The following HIPK2 variants were observed in gnomAD, a reference collection of about 807,000 sequenced individuals.
HIPK2 encodes homeodomain-interacting protein kinase 2.
In HIPK2, 27 loss-of-function variants were observed where a neutral mutation model predicts 113.7. That is an observed-to-expected ratio of 0.24 (90% CI 0.17 to 0.33). The LOEUF (loss-of-function observed/expected upper bound fraction) is 0.33, where lower values mean the gene tolerates loss of function less well. HIPK2 is among the 10% of genes least tolerant of loss of function. The probability of loss-of-function intolerance (pLI) is 1.00; values close to 1 mark genes in which losing one functional copy is unlikely to be tolerated. For synonymous variants in HIPK2, 631 were observed against 642.2 expected, an observed-to-expected ratio of 0.98 and a Z score of 0.26; for missense variants, 1,257 against 1,588.0, an observed-to-expected ratio of 0.79 and a Z score of 3.54.
At position 139,563,644 on chromosome 7, in the gene HIPK2, C is replaced by T. The variant is rs1471269717; in HGVS notation, c.*9283G>A. 1 of 395,650 alleles carries T rather than the reference C, an allele frequency of 2.5e-6. No homozygotes were observed. The highest frequency in any genetic ancestry group is 3.6e-5 in the East Asian group (1 of 27,962). The allele number at this position is 395,650 out of a possible 1,614,324, so 24.5% of individuals were successfully genotyped here. On this transcript the variant is annotated 3_prime_UTR_variant, in exon 15 of 15. Coordinates refer to ENST00000406875, the MANE Select transcript of HIPK2 (RefSeq NM_022740.5). ...ATTCATGTAAAGGAAAAAACAGCAACACCACCACACAAACAGGAAAGTGGG... is the reference window on the plus strand; with the variant it reads ...ATTCATGTAAAGGAAAAAACAGCAATACCACCACACAAACAGGAAAGTGGG...
intron 1 of HIPK2, among the ~76,000 whole-genome samples, chr7:139,763,556 C>T (rs911884763): frequency 2.1e-5 from 3 of 143,640 alleles, no homozygotes; most frequent in Non-Finnish European, 3.0e-5. Flanking sequence ...TCAGTAACGG[C>T]GGCAGAGACC....
intron 12 of HIPK2, among the ~76,000 whole-genome samples, chr7:139,595,691 C>T (rs1055152735): frequency 1.3e-5 from 2 of 152,090 alleles, no homozygotes; most frequent in East Asian, 1.9e-4. Context: ...GGGAAGGGAA[C>T]GTCCTATGCA....
intron 2 of HIPK2, among the ~76,000 whole-genome samples, chr7:139,634,093 G>A (rs1800719041): frequency 6.6e-6 from 1 of 150,880 alleles, no homozygotes; most frequent in Non-Finnish European, 1.5e-5. Flanking sequence ...CCTGGTAACA[G>A]AGCAAGACCC....
rs145909711 is a variant in HIPK2, at chr7:139,651,851, T to C, written c.1104-20126A>G. Among the ~76,000 whole-genome samples the C allele has an allele frequency of 2.3e-3, 346 of 152,332 alleles. 2 individuals carry two copies. The highest frequency in any genetic ancestry group is 7.9e-3 in the African/African-American group (330 of 41,568). On this transcript the variant is annotated intron_variant, in intron 2 of 14. Coordinates refer to ENST00000406875, the MANE Select transcript of HIPK2 (RefSeq NM_022740.5). The stretch of plus-strand genomic sequence containing the variant: ...TTAAGAGGAGAGATCCGATGTTATG[T>C]TTCTGCAATGTTTGTTTATGGAGGT...
At chr7:139,753,799 C>T (rs953726421) in intron 1 of HIPK2, among the ~76,000 whole-genome samples, 1 of 152,268 alleles carries the variant, frequency 6.6e-6, no homozygotes, top group Non-Finnish European at 1.5e-5. Flanking sequence ...ACCCAGTACA[C>T]ATAGGCAGCA....
Position 139,637,884 on chromosome 7 carries a change from G to A in HIPK2, c.1104-6159C>T, listed in dbSNP as rs111967275. Among the ~76,000 whole-genome samples, 562 of 152,278 alleles carry A rather than the reference G, an allele frequency of 3.7e-3. 7 individuals carry two copies. The highest frequency in any genetic ancestry group is 0.013 in the African/African-American group (539 of 41,554). On this transcript the variant is annotated intron_variant, in intron 2 of 14. Coordinates refer to ENST00000406875, the MANE Select transcript of HIPK2 (RefSeq NM_022740.5). ...GGAGGAGCAGAAGCTGAGGCTCAGA[G>A]AGGGGCACGAGCAACCCGGCTCACA...
intron 5 of HIPK2, 126 bp downstream of exon 5, chr7:139,628,827 G>A (rs1035654314): frequency 2.6e-6 from 2 of 768,474 alleles, no homozygotes; most frequent in African/African-American, 3.5e-5. Context: ...AACTATTTAA[G>A]GTCAAGGTCA....
intron 2 of HIPK2, among the ~76,000 whole-genome samples, chr7:139,653,075 G>T (rs1801519965): frequency 7.3e-6 from 1 of 137,484 alleles, no homozygotes; most frequent in African/African-American, 2.8e-5. Flanking sequence ...GGAGGCTGAG[G>T]TTGCAGTGAG....
Position 139,668,323 on chromosome 7 carries a change from A to G in HIPK2, c.1104-36598T>C, listed in dbSNP as rs370085796. 1.2e-4 allele frequency among the ~76,000 whole-genome samples: 18 copies of G among 152,188 alleles called. 1 individual carries two copies. The highest frequency in any genetic ancestry group is 3.9e-4 in the African/African-American group (16 of 41,524). On this transcript the variant is annotated intron_variant, in intron 2 of 14. Coordinates refer to ENST00000406875, the MANE Select transcript of HIPK2 (RefSeq NM_022740.5). ...ACACCTGTAATCCCAGCACTTTGGG[A>G]GGCCGAGGTGGGTGGATCACGAGGT...
At chr7:139,726,487 T>G (rs762270512) in intron 1 of HIPK2, among the ~76,000 whole-genome samples, 2 of 152,026 alleles carry the variant, frequency 1.3e-5, no homozygotes, top group African/African-American at 2.4e-5. Flanking sequence ...GTTGAAGTGT[T>G]GGGGGAGGGG....
intron 1 of HIPK2, among the ~76,000 whole-genome samples, chr7:139,754,081 T>A (rs1796325795): frequency 6.6e-6 from 1 of 152,218 alleles, no homozygotes; most frequent in East Asian, 1.9e-4. Context: ...GGCCCCAGGC[T>A]GCTATCTGCT....
chr7:139,666,841 C>A (rs367873301), intron 2 of HIPK2, among the ~76,000 whole-genome samples: 5 of 152,126 alleles, frequency 3.3e-5, no homozygotes, highest in East Asian at 3.9e-4. Flanking sequence ...GGCAGGTAGA[C>A]GGCCTGAGGT....
chr7:139,657,834 A>G (rs1482267193), intron 2 of HIPK2, among the ~76,000 whole-genome samples: 1 of 152,248 alleles, frequency 6.6e-6, no homozygotes, highest in Admixed American at 6.5e-5. Context: ...ACAGTGTTAC[A>G]CAATAAGTGC....
chr7:139,702,275 T>C (rs1031337027), intron 2 of HIPK2, among the ~76,000 whole-genome samples: 29 of 152,140 alleles, frequency 1.9e-4, no homozygotes, highest in African/African-American at 5.8e-4. Context: ...CAGAGGACAC[T>C]GTGGAAGGAC....
At chr7:139,603,669 G>A (rs1339288225) in intron 10 of HIPK2, among the ~76,000 whole-genome samples, 1 of 152,130 alleles carries the variant, frequency 6.6e-6, no homozygotes, top group African/African-American at 2.4e-5. Flanking sequence ...AACATCTTCA[G>A]AACACTTTCT....
chr7:139,598,628 A>G (rs1029945562), intron 11 of HIPK2, among the ~76,000 whole-genome samples: 1 of 152,192 alleles, frequency 6.6e-6, no homozygotes, highest in Non-Finnish European at 1.5e-5. Flanking sequence ...TTTCACTATA[A>G]TTATATCGAT....
intron 2 of HIPK2, among the ~76,000 whole-genome samples, chr7:139,712,830 G>A (rs539931363): frequency 6.6e-6 from 1 of 152,222 alleles, no homozygotes; most frequent in South Asian, 2.1e-4. Context: ...TCGAAAAATC[G>A]GATCGATCTA....
intron 6 of HIPK2, among the ~76,000 whole-genome samples, chr7:139,621,797 C>T (rs989689707): frequency 4.6e-5 from 7 of 151,564 alleles, no homozygotes; most frequent in Admixed American, 1.3e-4. Context: ...GTGGCACGTG[C>T]GCATGGTCCC....
At chr7:139,588,427 G>T (rs1002088658) in intron 12 of HIPK2, among the ~76,000 whole-genome samples, 4 of 150,598 alleles carry the variant, frequency 2.7e-5, no homozygotes, top group African/African-American at 9.8e-5. Flanking sequence ...TGAGGTGGGA[G>T]AATTGCTTGA....
Sources: allele counts gnomAD v4.1 joint callset (sites outside exome capture counted in the v4.1 genomes callset), GRCh38; gene constraint gnomAD v4.1.1; transcripts MANE v1.5; gene names NCBI Gene and HGNC (gene_info 2026-07-23, HGNC 2026-07-21).